The following PHEX variants were observed in gnomAD, a reference collection of about 807,000 sequenced individuals.
PHEX encodes the protein phosphate-regulating neutral endopeptidase PHEX.
A neutral mutation model predicts 68.0 loss-of-function variants in PHEX; 16 were observed. The observed-to-expected ratio is 0.24, with a 90% CI of 0.16 to 0.36. PHEX has a LOEUF of 0.36. PHEX is among the 10% of genes least tolerant of loss of function. PHEX has a pLI of 1.00. For synonymous variants in PHEX, 208 were observed against 205.1 expected (o/e 1.01, Z -0.12); for missense variants, 480 against 575.5 (o/e 0.83, Z 1.70).
chrX:22,156,514 G>A (rs372517575), intron 12 of PHEX, among the ~76,000 whole-genome samples: 3 of 103,401 alleles, frequency 2.9e-5, no homozygotes, highest in African/African-American at 1.2e-4. Context: ...AGCATATTCC[G>A]GACCAATAAA....
At chrX:22,041,185 G>A (rs1346109478) in intron 2 of PHEX, among the ~76,000 whole-genome samples, 1 of 104,408 alleles carries the variant, frequency 9.6e-6, no homozygotes, top group Non-Finnish European at 1.9e-5. Context: ...TTATACAAAG[G>A]TAGTGGCTTA....
chrX:22,124,901 C>G lies in PHEX; in HGVS notation c.1303-8622C>G, dbSNP rs1218415141. On this transcript the variant is annotated intron_variant, in intron 11 of 21. Coordinates refer to ENST00000379374, the MANE Select transcript of PHEX (RefSeq NM_000444.6). ...AGCTATGTAACACTGCTAATCCTGA[C>G]AAACTGATATGATTTATTCACTCAC... Among the ~76,000 whole-genome samples, 3 of 111,569 alleles carry G rather than the reference C, an allele frequency of 2.7e-5. No individual in the cohort carries two copies. The Admixed American group carries it at 2.9e-4, about 11-fold the overall frequency.
intron 2 of PHEX, among the ~76,000 whole-genome samples, chrX:22,040,557 G>A (rs971339325): frequency 1.8e-5 from 2 of 111,982 alleles, no homozygotes; most frequent in Non-Finnish European, 1.9e-5. Context: ...TGACAGGATG[G>A]CTAGATTGAA....
chrX:22,220,136 T>A (rs991070171), intron 17 of PHEX, among the ~76,000 whole-genome samples: 1 of 111,507 alleles, frequency 9.0e-6, no homozygotes, highest in African/African-American at 3.3e-5. Flanking sequence ...AACTTACGGA[T>A]TAGTAGCAAA....
At chrX:22,120,845 T>C (rs1931455582) in intron 11 of PHEX, among the ~76,000 whole-genome samples, 1 of 112,327 alleles carries the variant, frequency 8.9e-6, no homozygotes, top group African/African-American at 3.2e-5. Context: ...AATGTGAATA[T>C]ATACATCAAA....
At chrX:22,033,204 TAACAC>T in intron 1 of PHEX, 81 bp downstream of exon 1, 1 of 684,556 alleles carries the variant, frequency 1.5e-6, no homozygotes, top group Non-Finnish European at 2.4e-6. Context: ...AAACTTGTCA[TAACAC>T]AGGTATAGGG....
chrX:22,251,233 C>T lies in PHEX; in HGVS notation c.*3280C>T, dbSNP rs1449594031. On this transcript the variant is annotated 3_prime_UTR_variant, in exon 22 of 22. Transcript: ENST00000379374. ...TTATATCTAAATGGTTATTCTGAGA[C>T]TGGTTGTATTTTCTTCTCCTACTCG... 2.7e-5 allele frequency: 3 copies of T among 112,470 alleles called. No homozygotes were observed. Among genetic ancestry groups the T allele is most frequent in the African/African-American group, 9.7e-5 (3 of 31,013 alleles). 9.3% of individuals were successfully genotyped at this position (112,470 alleles called of 1,213,427 possible).
chrX:22,178,422 G>A (rs749989232), intron 14 of PHEX, 46 bp downstream of exon 14: 166 of 772,373 alleles, frequency 2.1e-4, no homozygotes, highest in South Asian at 5.6e-4. Context: ...ACATTGGTGA[G>A]AAGCGGAGTC....
At chrX:22,088,338 G>C (rs989331947) in intron 5 of PHEX, among the ~76,000 whole-genome samples, 2 of 111,602 alleles carry the variant, frequency 1.8e-5, no homozygotes, top group Non-Finnish European at 3.8e-5. Flanking sequence ...AAGTAGGATT[G>C]CTGGCTCTTG....
At chrX:22,187,810 C>T (rs978318730) in intron 14 of PHEX, among the ~76,000 whole-genome samples, 1 of 111,710 alleles carries the variant, frequency 9.0e-6, no homozygotes, top group Non-Finnish European at 1.9e-5. Flanking sequence ...GTCTAGGTTT[C>T]GGTTTTGAAG....
At chrX:22,125,140 G>A (rs376067338) in intron 11 of PHEX, among the ~76,000 whole-genome samples, 2 of 112,013 alleles carry the variant, frequency 1.8e-5, no homozygotes, top group Non-Finnish European at 3.8e-5. Context: ...TTTAATGTCT[G>A]TGTTTCTAGT....
intron 1 of PHEX, among the ~76,000 whole-genome samples, chrX:22,036,192 T>G (rs1261967725): frequency 1.2e-4 from 13 of 106,110 alleles, no homozygotes; most frequent in African/African-American, 4.5e-4. Flanking sequence ...CCTGAGTAGC[T>G]GGGATTACAG....
At chrX:22,188,141 G>A (rs1934089724) in intron 14 of PHEX, among the ~76,000 whole-genome samples, 2 of 111,848 alleles carry the variant, frequency 1.8e-5, no homozygotes, top group Admixed American at 1.9e-4. Context: ...TCAATAATTG[G>A]GTTTCCTATT....
At chrX:22,050,545 T>A (rs1471265213) in intron 3 of PHEX, among the ~76,000 whole-genome samples, 22 of 91,437 alleles carry the variant, frequency 2.4e-4, no homozygotes, top group African/African-American at 9.6e-4. Flanking sequence ...CACTCCAGTC[T>A]GGGCGACAGA....
chrX:22,210,458 C>G (rs58068373), intron 15 of PHEX, among the ~76,000 whole-genome samples: 2 of 111,905 alleles, frequency 1.8e-5, no homozygotes, highest in East Asian at 5.6e-4. Flanking sequence ...ATAATGAAAT[C>G]ACATTGGTTT....
chrX:22,137,423 T>C (rs1381597067), intron 12 of PHEX, among the ~76,000 whole-genome samples: 3 of 111,550 alleles, frequency 2.7e-5, no homozygotes, highest in Non-Finnish European at 5.7e-5. Context: ...AGAAGTCGGC[T>C]GAATGGTCCT....
At chrX:22,050,072 A>G (rs989821666) in intron 3 of PHEX, among the ~76,000 whole-genome samples, 6 of 112,383 alleles carry the variant, frequency 5.3e-5, no homozygotes, top group Non-Finnish European at 9.4e-5. Flanking sequence ...TTGCACTCCA[A>G]TGGTACAGTC....
intron 20 of PHEX, among the ~76,000 whole-genome samples, chrX:22,228,521 A>AATT (rs1935589592): frequency 9.2e-6 from 1 of 108,186 alleles, no homozygotes; most frequent in Non-Finnish European, 2.0e-5. Context: ...ACACTAAATA[A>AATT]ATTATTATTT....
chrX:22,179,871 T>C (rs1031846122), intron 14 of PHEX, among the ~76,000 whole-genome samples: 2 of 111,298 alleles, frequency 1.8e-5, no homozygotes, highest in African/African-American at 6.6e-5. Context: ...TAGTTTCTAT[T>C]GATTGCCTTT....
Sources: gnomAD v4.1 joint callset for allele counts (sites outside exome capture counted in the v4.1 genomes callset) on GRCh38, gnomAD v4.1.1 for gene constraint, MANE v1.5 for transcripts, NCBI Gene and HGNC (gene_info 2026-07-23, HGNC 2026-07-21) for gene names.